The following ADARB1 variants were observed in gnomAD, a reference collection of about 807,000 sequenced individuals.
ADARB1 encodes double-stranded RNA-specific editase 1.
Under a neutral mutation model 52.4 loss-of-function variants are expected in ADARB1, and 10 were observed. The ratio of observed to expected loss-of-function variants is 0.19; its 90% CI spans 0.12 to 0.32. The LOEUF (loss-of-function observed/expected upper bound fraction) is 0.32, where lower values mean the gene tolerates loss of function less well. Ranked by LOEUF, ADARB1 falls within the 10% of genes least tolerant of loss-of-function variation. The probability of loss-of-function intolerance (pLI) is 1.00; values close to 1 mark genes in which losing one functional copy is unlikely to be tolerated. For synonymous variants in ADARB1, 349 were observed against 371.1 expected, an observed-to-expected ratio of 0.94 and a Z score of 0.68; for missense variants, 643 against 922.3, an observed-to-expected ratio of 0.70 and a Z score of 3.92.
chr21:45,153,467 C>A (rs892869746), intron 2 of ADARB1, among the ~76,000 whole-genome samples: 3 of 152,050 alleles, frequency 2.0e-5, no homozygotes, highest in African/African-American at 4.8e-5. Flanking sequence ...GTCTTCTGGG[C>A]GCCCCCTTAG....
At chr21:45,152,015 G>C (rs1431792790) in intron 2 of ADARB1, among the ~76,000 whole-genome samples, 2 of 152,214 alleles carry the variant, frequency 1.3e-5, no homozygotes, top group African/African-American at 4.8e-5. Context: ...AGAGGAGGAA[G>C]AGCACTCTCT....
rs1374239583 is a variant in ADARB1, at chr21:45,208,744, G to A, written c.1747+4008G>A. On this transcript the variant is annotated intron_variant, in intron 9 of 10. Coordinates refer to ENST00000348831, the MANE Select transcript of ADARB1 (RefSeq NM_001112.4). This position sits in a 1 kb window ranked among gnomAD's most constrained non-coding sequence, Gnocchi z 5.6. ...TGAGAGAGAGAGTGTGTGTGTGTGT[G>A]TATGCGTATTCTCCAGGTAAGAGCA... Among the ~76,000 whole-genome samples the A allele has an allele frequency of 6.6e-6, 1 of 152,072 alleles. No individual in the cohort carries two copies. Among genetic ancestry groups the A allele is most frequent in the Non-Finnish European group, 1.5e-5 (1 of 68,006 alleles).
At chr21:45,167,738 CAAAAATA>C (rs986732968) in intron 2 of ADARB1, among the ~76,000 whole-genome samples, 3 of 151,852 alleles carry the variant, frequency 2.0e-5, no homozygotes, top group Non-Finnish European at 4.4e-5. Context: ...GCGAGATTCT[CAAAAATA>C]AAAAATAAAA....
chr21:45,201,227 G>A lies in ADARB1; in HGVS notation c.1566-3328G>A, dbSNP rs568015483. 5.9e-5 allele frequency among the ~76,000 whole-genome samples: 9 copies of A among 152,316 alleles called. No individual in the cohort carries two copies. In the South Asian group the frequency reaches 1.9e-3, roughly 32 times the overall value. ...TGACTGTGTCTGACACCCTCTCGCTGGCGCTAGGCGATTTCATCCTGATGA... is the reference window on the plus strand; with the variant it reads ...TGACTGTGTCTGACACCCTCTCGCTAGCGCTAGGCGATTTCATCCTGATGA... On this transcript the variant is annotated intron_variant, in intron 8 of 10. Coordinates refer to ENST00000348831, the MANE Select transcript of ADARB1 (RefSeq NM_001112.4).
intron 1 of ADARB1, among the ~76,000 whole-genome samples, chr21:45,126,011 A>G (rs949235673): frequency 6.6e-6 from 1 of 152,168 alleles, no homozygotes; most frequent in African/African-American, 2.4e-5. Context: ...TCTGTACATA[A>G]TCTTTTCTAG....
chr21:45,136,638 G>A (rs1221049508), intron 2 of ADARB1, among the ~76,000 whole-genome samples: 1 of 152,240 alleles, frequency 6.6e-6, no homozygotes. Context: ...GGGACAGCTG[G>A]CGGGGGTAGA....
At chr21:45,189,626 A>G (rs1834287509) in intron 8 of ADARB1, among the ~76,000 whole-genome samples, 3 of 152,126 alleles carry the variant, frequency 2.0e-5, no homozygotes, top group Admixed American at 6.5e-5. Context: ...AAAGCAGGCT[A>G]GTGGTAATGT....
At chr21:45,218,282 C>G (rs537471760) in intron 9 of ADARB1, among the ~76,000 whole-genome samples, 1 of 152,222 alleles carries the variant, frequency 6.6e-6, no homozygotes, top group East Asian at 1.9e-4. Context: ...GTTACTGTGT[C>G]TTTAAGTTCA....
chr21:45,105,663 A>G (rs565715193), intron 1 of ADARB1, among the ~76,000 whole-genome samples: 3 of 152,364 alleles, frequency 2.0e-5, no homozygotes, highest in South Asian at 2.1e-4. Context: ...TGTTGCTTTT[A>G]TGTTCTTTAC....
intron 1 of ADARB1, among the ~76,000 whole-genome samples, chr21:45,105,391 T>G (rs1257613593): frequency 6.6e-6 from 1 of 152,204 alleles, no homozygotes; most frequent in Non-Finnish European, 1.5e-5. Flanking sequence ...CATGAGCCAC[T>G]GCACCCGGCC....
At chr21:45,186,406 A>G (rs1347994080) in intron 8 of ADARB1, among the ~76,000 whole-genome samples, 1 of 152,168 alleles carries the variant, frequency 6.6e-6, no homozygotes, top group Non-Finnish European at 1.5e-5. Context: ...CTCCATCACA[A>G]TATTATAGAC....
At chr21:45,093,786 G>A (rs995422862) in intron 1 of ADARB1, among the ~76,000 whole-genome samples, 19 of 152,200 alleles carry the variant, frequency 1.2e-4, no homozygotes, top group African/African-American at 4.6e-4. Flanking sequence ...TTCAGATAAA[G>A]TCCCAGAACA....
chr21:45,120,697 A>G (rs1445327790), intron 1 of ADARB1: 1 of 152,198 alleles, frequency 6.6e-6, no homozygotes, highest in Non-Finnish European at 1.5e-5. Context: ...GAATGTGGAG[A>G]AGCTGTGTGT....
Position 45,109,092 on chromosome 21 carries a change from T to A in ADARB1, c.-219-19310T>A, listed in dbSNP as rs553381839. 1.8e-4 allele frequency among the ~76,000 whole-genome samples: 28 copies of A among 152,372 alleles called. 1 individual carries two copies. Among genetic ancestry groups the A allele is most frequent in the African/African-American group, 6.5e-4 (27 of 41,600 alleles). On this transcript the variant is annotated intron_variant, in intron 1 of 10. Coordinates refer to ENST00000348831, the MANE Select transcript of ADARB1 (RefSeq NM_001112.4). ...CTAGGACCAGACCAGGCTCTGGGGT[T>A]CATGCGGGAATCACCAGTCTGCGCT...
chr21:45,133,877 C>T (rs1458857991), intron 2 of ADARB1, among the ~76,000 whole-genome samples: 3 of 133,094 alleles, frequency 2.3e-5, no homozygotes, highest in Admixed American at 7.5e-5. Context: ...GGTGTGTGCC[C>T]GACAGTGGTG....
rs1203503459 is a variant in ADARB1 at position 45,208,876 on chromosome 21, C to T, written c.1747+4140C>T. Among the ~76,000 whole-genome samples, 1 of 152,100 alleles carries T rather than the reference C, an allele frequency of 6.6e-6. No individual in the cohort carries two copies. The highest frequency in any genetic ancestry group is 6.5e-5 in the Admixed American group (1 of 15,272). On this transcript the variant is annotated intron_variant, in intron 9 of 10. Coordinates refer to ENST00000348831, the MANE Select transcript of ADARB1 (RefSeq NM_001112.4). This position sits in a 1 kb window ranked among gnomAD's most constrained non-coding sequence, Gnocchi z 5.6. ...GAGTCATTGTAGAAGAGAACGACCACCAAGCTTGGCTCCAAGTACAGAATC... is the reference window on the plus strand; with the variant it reads ...GAGTCATTGTAGAAGAGAACGACCATCAAGCTTGGCTCCAAGTACAGAATC...
At chr21:45,214,465 T>C (rs1206068387) in intron 9 of ADARB1, among the ~76,000 whole-genome samples, 1 of 152,256 alleles carries the variant, frequency 6.6e-6, no homozygotes, top group Non-Finnish European at 1.5e-5. Flanking sequence ...CCTAAGTCAG[T>C]ACTACAAAGA....
At position 45,221,961 on chromosome 21, in the gene ADARB1, G is replaced by A; in HGVS notation, c.1927-57G>A. ...GCCATGTTTTGGTATCTTATTAGGT[G>A]TTGTTTTCATCTGTTACAGCGTCAA... On this transcript the variant is annotated intron_variant, in intron 10 of 10. Coordinates refer to ENST00000348831, the MANE Select transcript of ADARB1 (RefSeq NM_001112.4). This position sits in a 1 kb window ranked among gnomAD's most constrained non-coding sequence, Gnocchi z 4.9. 4.5e-6 allele frequency: 7 copies of A among 1,564,748 alleles called. No homozygotes were observed. The highest frequency in any genetic ancestry group is 6.1e-6 in the Non-Finnish European group (7 of 1,141,702).
chr21:45,200,906 C>G lies in ADARB1; in HGVS notation c.1566-3649C>G, dbSNP rs1321523702. On this transcript the variant is annotated intron_variant, in intron 8 of 10. Coordinates refer to ENST00000348831, the MANE Select transcript of ADARB1 (RefSeq NM_001112.4). The surrounding 1 kb of genome is among the most constrained non-coding windows in gnomAD (Gnocchi z 5.0). ...CCCTTTACTGAATCAGGGGACAGATCAGATGATAGCAGTCTGGACTCTGTT... is the reference window on the plus strand; with the variant it reads ...CCCTTTACTGAATCAGGGGACAGATGAGATGATAGCAGTCTGGACTCTGTT... 6.6e-6 allele frequency among the ~76,000 whole-genome samples: 1 copy of G among 152,154 alleles called. No individual in the cohort carries two copies. Among genetic ancestry groups the G allele is most frequent in the East Asian group, 1.9e-4 (1 of 5,192 alleles).
Sources: gnomAD v4.1 joint callset for allele counts (sites outside exome capture counted in the v4.1 genomes callset) on GRCh38, gnomAD v4.1.1 for gene constraint, Gnocchi (gnomAD v3.1) non-coding constraint, MANE v1.5 for transcripts, NCBI Gene and HGNC (gene_info 2026-07-23, HGNC 2026-07-21) for gene names.